The following ATXN1 variants were observed in gnomAD, a reference collection of about 807,000 sequenced individuals.
ATXN1 encodes ataxin 1.
A neutral mutation model predicts 56.4 loss-of-function variants in ATXN1; 8 were observed. The ratio of observed to expected loss-of-function variants is 0.14; its 90% confidence interval spans 0.08 to 0.26. ATXN1 has a LOEUF of 0.26. ATXN1 is among the 10% of genes least tolerant of loss of function. The pLI, the probability that ATXN1 is intolerant of heterozygous loss-of-function variation, is 1.00. For synonymous variants in ATXN1, 514 were observed against 494.6 expected, an observed-to-expected ratio of 1.04 and a Z score of -0.52; for missense variants, 987 against 1,106.5, an observed-to-expected ratio of 0.89 and a Z score of 1.53.
chr6:16,664,934 A>G (rs1168288812), intron 2 of ATXN1, among the ~76,000 whole-genome samples: 1 of 152,216 alleles, frequency 6.6e-6, no homozygotes, highest in East Asian at 1.9e-4. Flanking sequence ...TGCATACTAC[A>G]TGAAATAACA....
chr6:16,332,260 T>A (rs1761009146), intron 6 of ATXN1, among the ~76,000 whole-genome samples: 1 of 152,116 alleles, frequency 6.6e-6, no homozygotes, highest in Non-Finnish European at 1.5e-5. Context: ...GGGTAGAGAT[T>A]GGGTCTTGCT....
intron 6 of ATXN1, among the ~76,000 whole-genome samples, chr6:16,395,868 A>G (rs1470931059): frequency 6.6e-6 from 1 of 152,064 alleles, no homozygotes; most frequent in African/African-American, 2.4e-5. Flanking sequence ...TACAAAAATT[A>G]GCTGGGCATA....
chr6:16,677,801 T>G (rs939507188), intron 2 of ATXN1, among the ~76,000 whole-genome samples: 3 of 152,222 alleles, frequency 2.0e-5, no homozygotes, highest in Admixed American at 1.3e-4. Flanking sequence ...GATATAATTG[T>G]TTACAATTTT....
chr6:16,692,084 T>G (rs182913973), intron 2 of ATXN1, among the ~76,000 whole-genome samples: 6 of 152,184 alleles, frequency 3.9e-5, no homozygotes, highest in Non-Finnish European at 7.4e-5. Context: ...GCCAATATGG[T>G]GAAACCTCAT....
In ATXN1 at chr6:16,685,330, G is replaced by A. The variant is rs541858851; in HGVS notation, c.-614-27429C>T. 5.3e-5 allele frequency among the ~76,000 whole-genome samples: 8 copies of A among 152,064 alleles called. No individual in the cohort carries two copies. In the South Asian group the frequency reaches 1.2e-3, roughly 24 times the overall value. On this transcript the variant is annotated intron_variant, in intron 2 of 7. Coordinates refer to ENST00000436367, the MANE Select transcript of ATXN1 (RefSeq NM_001128164.2). Reference sequence around the variant, plus strand: ...GACATCCTCACGCCACCACCTCCCCGCCCCCATTATTCAGAATAAGTGGAG... The same window carrying A: ...GACATCCTCACGCCACCACCTCCCCACCCCCATTATTCAGAATAAGTGGAG...
At chr6:16,358,816 C>G (rs1047131707) in intron 6 of ATXN1, among the ~76,000 whole-genome samples, 21 of 152,254 alleles carry the variant, frequency 1.4e-4, no homozygotes, top group Admixed American at 7.2e-4. Flanking sequence ...TTGGGGGAGC[C>G]TGGAACAGGC....
intron 6 of ATXN1, among the ~76,000 whole-genome samples, chr6:16,340,936 C>T (rs1024317763): frequency 6.6e-6 from 1 of 152,174 alleles, no homozygotes; most frequent in African/African-American, 2.4e-5. Flanking sequence ...GTGGAAATCT[C>T]CCCAATGGCA....
intron 3 of ATXN1, among the ~76,000 whole-genome samples, chr6:16,618,376 T>C (rs1285964049): frequency 6.6e-6 from 1 of 152,196 alleles, no homozygotes; most frequent in East Asian, 1.9e-4. Flanking sequence ...CATGTATACC[T>C]ATGTAACAAA....
Position 16,306,685 on chromosome 6 carries a change from C to G in ATXN1, c.2092G>C (p.Gly698Arg), listed in dbSNP as rs768263479. The G allele has an allele frequency of 2.5e-6, 4 of 1,614,174 alleles. No individual in the cohort carries two copies. The East Asian group carries it at 8.9e-5, about 36-fold the overall frequency. The change falls in exon 8 of 8, where the codon GGC becomes CGC. Residue 698 changes from glycine (G) to arginine (R), a missense_variant. This residue lies in a region of ATXN1 where 196 missense variants were observed against 196.7 expected (regional missense o/e 1.00). Transcript: ENST00000436367. The surrounding 1 kb of genome is among the most constrained non-coding windows in gnomAD (Gnocchi z 5.2). ...KNLKNGSVKK[G>R]QPVDPASVLL... Reference sequence around the variant, plus strand: ...ACGCTGGCGGGATCCACGGGCTGGCCCTTTTTAACAGAGCCGTTCTTCAGG... The same window carrying G: ...ACGCTGGCGGGATCCACGGGCTGGCGCTTTTTAACAGAGCCGTTCTTCAGG...
chr6:16,496,618 C>T (rs970773704), intron 5 of ATXN1, among the ~76,000 whole-genome samples: 2 of 152,120 alleles, frequency 1.3e-5, no homozygotes, highest in South Asian at 4.1e-4. Flanking sequence ...ATATCAACTA[C>T]TATTTTATGA....
rs1359991822 is a variant in ATXN1, at chr6:16,500,757, AAAAC to A, written c.-298-14652_-298-14649del. On this transcript the variant is annotated intron_variant, in intron 5 of 7. Coordinates refer to ENST00000436367, the MANE Select transcript of ATXN1 (RefSeq NM_001128164.2). The stretch of plus-strand genomic sequence containing the variant: ...TTATGATAAAAAAAAAAAAAAAAAA[AAAAC>A]ATTGAGGAAACTACCAATTCATTCA... Among the ~76,000 whole-genome samples the A allele has an allele frequency of 9.2e-5, 14 of 151,614 alleles. No homozygotes were observed. In the South Asian group the frequency reaches 1.9e-3, roughly 21 times the overall value.
chr6:16,678,695 A>T (rs1467053736), intron 2 of ATXN1, among the ~76,000 whole-genome samples: 1 of 152,252 alleles, frequency 6.6e-6, no homozygotes, highest in African/African-American at 2.4e-5. Context: ...ACCAAAAAAA[A>T]TGTTTAAGTT....
At chr6:16,395,270 CAAAAA>C (rs748314030) in intron 6 of ATXN1, among the ~76,000 whole-genome samples, 19 of 48,450 alleles carry the variant, frequency 3.9e-4, no homozygotes, top group African/African-American at 5.4e-4. Context: ...AACTCCGTCT[CAAAAA>C]AAAAAAAAAA....
intron 1 of ATXN1, among the ~76,000 whole-genome samples, chr6:16,758,885 T>C (rs1760971220): frequency 6.6e-6 from 1 of 152,234 alleles, no homozygotes; most frequent in Non-Finnish European, 1.5e-5. Flanking sequence ...GGAGATTAAA[T>C]GCCACAGCGC....
intron 1 of ATXN1, among the ~76,000 whole-genome samples, chr6:16,757,598 T>C (rs1232260105): frequency 3.3e-5 from 5 of 152,202 alleles, no homozygotes; most frequent in Non-Finnish European, 4.4e-5. Flanking sequence ...CCCCTGGGAA[T>C]AGAGTTGAGT....
rs547729438 is a variant in ATXN1, at chr6:16,411,850, C to T, written c.-161+74122G>A. ...AACATTATTTAATTGATAAGATATG[C>T]CACATATCATCTTGTCCTTTGTGTT... On this transcript the variant is annotated intron_variant, in intron 6 of 7. Transcript: ENST00000436367. 2.4e-4 allele frequency among the ~76,000 whole-genome samples: 36 copies of T among 152,264 alleles called. No individual in the cohort carries two copies. The South Asian group carries it at 5.4e-3, about 23-fold the overall frequency.
In ATXN1 at chr6:16,464,603, G is replaced by A. The variant is rs181736779; in HGVS notation, c.-161+21369C>T. ...AAGTCAGCGAGACCATAAACCCACC[G>A]GTAGGAACCAACTCCAGACACAAAA... On this transcript the variant is annotated intron_variant, in intron 6 of 7. Coordinates refer to ENST00000436367, the MANE Select transcript of ATXN1 (RefSeq NM_001128164.2). 7.9e-5 allele frequency among the ~76,000 whole-genome samples: 12 copies of A among 152,146 alleles called. No individual in the cohort carries two copies. In the East Asian group the frequency reaches 1.3e-3, roughly 17 times the overall value.
intron 6 of ATXN1, among the ~76,000 whole-genome samples, chr6:16,396,400 T>C (rs931640481): frequency 6.6e-6 from 1 of 152,070 alleles, no homozygotes; most frequent in Non-Finnish European, 1.5e-5. Flanking sequence ...GGCAACATAG[T>C]GAGACTTAGT....
intron 7 of ATXN1, among the ~76,000 whole-genome samples, chr6:16,307,675 CA>C (rs60689654): frequency 0.29 from 27,277 of 94,832 alleles, 2,304 homozygotes; most frequent in Admixed American, 0.42. Context: ...GACTCCGTCT[CA>C]AAAAAAAAAA....
Sources: gnomAD v4.1 joint callset for allele counts (sites outside exome capture counted in the v4.1 genomes callset) on GRCh38, gnomAD v4.1.1 for gene constraint, gnomAD v4.1.1 regional missense constraint, Gnocchi (gnomAD v3.1) non-coding constraint, MANE v1.5 for transcripts, NCBI Gene and HGNC (gene_info 2026-07-23, HGNC 2026-07-21) for gene names.